WDPCP: variants seen among roughly 807,000 people sequenced by gnomAD.
WDPCP encodes the protein WD repeat containing planar cell polarity effector.
Under a neutral mutation model 93.1 loss-of-function variants are expected in WDPCP, and 71 were observed. The ratio of observed to expected loss-of-function variants is 0.76; its 90% confidence interval spans 0.63 to 0.93. The LOEUF (loss-of-function observed/expected upper bound fraction) is 0.93, where lower values mean the gene tolerates loss of function less well. Ranked by LOEUF, WDPCP falls within the 40% of genes least tolerant of loss-of-function variation. The pLI is 0.00. For synonymous variants in WDPCP, 315 were observed against 315.0 expected, an observed-to-expected ratio of 1.00 and a Z score of 0.00; for missense variants, 844 against 887.4, an observed-to-expected ratio of 0.95 and a Z score of 0.62.
intron 1 of WDPCP, among the ~76,000 whole-genome samples, chr2:63,528,641 G>A (rs1703554729): frequency 6.6e-6 from 1 of 152,194 alleles, no homozygotes; most frequent in Non-Finnish European, 1.5e-5. Context: ...TTTGAAGTCA[G>A]GTAGCATGAT....
At chr2:63,804,418 A>AT (rs1258152216) in intron 2 of WDPCP, among the ~76,000 whole-genome samples, 41 of 150,642 alleles carry the variant, frequency 2.7e-4, no homozygotes, top group Middle Eastern at 6.9e-3. Context: ...CACCCGGCTA[A>AT]TTTTTTTTTG....
intron 12 of WDPCP, among the ~76,000 whole-genome samples, chr2:63,372,840 T>C (rs13403109): frequency 2.6e-5 from 4 of 152,260 alleles, no homozygotes; most frequent in African/African-American, 9.6e-5. Flanking sequence ...ATTACCAATA[T>C]AGGCTGGGCA....
intron 9 of WDPCP, among the ~76,000 whole-genome samples, chr2:63,417,896 C>A (rs1695549962): frequency 6.6e-6 from 1 of 151,316 alleles, no homozygotes; most frequent in Non-Finnish European, 1.5e-5. Flanking sequence ...AAAATGGGCT[C>A]AGATAAAATA....
chr2:63,543,606 CAAT>C (rs1351592639), intron 1 of WDPCP, among the ~76,000 whole-genome samples: 8 of 151,648 alleles, frequency 5.3e-5, no homozygotes, highest in East Asian at 1.9e-4. Flanking sequence ...ATAAATAAAA[CAAT>C]AATAATTATT....
intron 13 of WDPCP, among the ~76,000 whole-genome samples, chr2:63,274,162 A>T (rs556290889): frequency 3.3e-5 from 5 of 152,186 alleles, no homozygotes; most frequent in Non-Finnish European, 7.4e-5. Context: ...TCAGACCACA[A>T]AGGAAGAAAA....
chr2:63,143,649 G>C (rs141858848), intron 17 of WDPCP, among the ~76,000 whole-genome samples: 3,026 of 152,218 alleles, frequency 0.02, 106 homozygotes, highest in African/African-American at 0.069. Context: ...GGCAAATTCT[G>C]TCAGCATTTG....
intron 13 of WDPCP, among the ~76,000 whole-genome samples, chr2:63,286,423 C>G (rs1684006443): frequency 6.6e-6 from 1 of 152,210 alleles, no homozygotes; most frequent in African/African-American, 2.4e-5. Flanking sequence ...CTTCCCCACA[C>G]TTAAGAAGGT....
intron 1 of WDPCP, among the ~76,000 whole-genome samples, chr2:63,567,898 T>G (rs1312692803): frequency 6.6e-6 from 1 of 152,330 alleles, no homozygotes; most frequent in East Asian, 1.9e-4. Context: ...TTTATATACC[T>G]CATTTTGATA....
chr2:63,499,067 A>G (rs1177713643), intron 1 of WDPCP, among the ~76,000 whole-genome samples: 1 of 152,248 alleles, frequency 6.6e-6, no homozygotes, highest in African/African-American at 2.4e-5. Context: ...AGTCATAGAT[A>G]CAAAGTTTTA....
At chr2:63,836,357 T>A in the WDPCP span, among the ~76,000 whole-genome samples, 2 of 152,200 alleles carry the variant, frequency 1.3e-5, no homozygotes, top group Admixed American at 1.3e-4. Context: ...CAACAGGGAA[T>A]CTTTCATATA....
intron 10 of WDPCP, among the ~76,000 whole-genome samples, chr2:63,382,908 A>G (rs1430892780): frequency 6.6e-6 from 1 of 152,140 alleles, no homozygotes; most frequent in African/African-American, 2.4e-5. Flanking sequence ...AACAGCCTTC[A>G]TGAGCCTGCA....
intron 6 of WDPCP, among the ~76,000 whole-genome samples, chr2:63,457,660 C>T (rs745331058): frequency 6.6e-6 from 1 of 152,066 alleles, no homozygotes; most frequent in Non-Finnish European, 1.5e-5. Flanking sequence ...ACATGCACAT[C>T]AATAAACATG....
intron 2 of WDPCP, among the ~76,000 whole-genome samples, chr2:63,733,501 C>T (rs910970355): frequency 1.4e-5 from 2 of 147,154 alleles, no homozygotes; most frequent in Non-Finnish European, 3.0e-5. Context: ...CGCGCCCGGC[C>T]GCCAAATAAA....
At chr2:63,627,542 GC>G (rs1200457424) in intron 3 of WDPCP, among the ~76,000 whole-genome samples, 1 of 152,014 alleles carries the variant, frequency 6.6e-6, no homozygotes, top group Non-Finnish European at 1.5e-5. Flanking sequence ...GGCCCGACCT[GC>G]CCCCCATCTT....
chr2:63,607,114 G>A (rs1004579059), intron 3 of WDPCP: 14 of 883,526 alleles, frequency 1.6e-5, no homozygotes, highest in Admixed American at 3.0e-5. Flanking sequence ...TAAAGATTAC[G>A]TGCTTCTTGG....
chr2:63,199,835 C>G (rs1310421854), intron 14 of WDPCP, among the ~76,000 whole-genome samples: 1 of 152,190 alleles, frequency 6.6e-6, no homozygotes, highest in Non-Finnish European at 1.5e-5. Flanking sequence ...ATGGTAGATA[C>G]ACGAATAACT....
intron 15 of WDPCP, among the ~76,000 whole-genome samples, chr2:63,167,940 C>T (rs977831348): frequency 8.6e-5 from 13 of 152,006 alleles, no homozygotes; most frequent in South Asian, 8.3e-4. Context: ...CATGGCAAAA[C>T]GCCATCTCTA....
chr2:63,544,377 A>C (rs1379987805), intron 1 of WDPCP, among the ~76,000 whole-genome samples: 1 of 152,182 alleles, frequency 6.6e-6, no homozygotes, highest in Non-Finnish European at 1.5e-5. Flanking sequence ...GACTTATAAA[A>C]GACTTATAAA....
chr2:63,722,617 T>A (rs1395860302), intron 2 of WDPCP, among the ~76,000 whole-genome samples: 1 of 73,240 alleles, frequency 1.4e-5, no homozygotes, highest in Non-Finnish European at 2.7e-5. Flanking sequence ...GGTGGGGGGG[T>A]CAGCCCCCGC....
Sources: gnomAD v4.1 joint callset for allele counts (sites outside exome capture counted in the v4.1 genomes callset) on GRCh38, gnomAD v4.1.1 for gene constraint, MANE v1.5 for transcripts, NCBI Gene and HGNC (gene_info 2026-07-23, HGNC 2026-07-21) for gene names.